The following DRD2 variants were observed in gnomAD, a reference collection of about 807,000 sequenced individuals.
The protein encoded by DRD2 is D(2) dopamine receptor.
A neutral mutation model predicts 38.0 loss-of-function variants in DRD2; 8 were observed. That is an observed-to-expected ratio of 0.21 (90% CI 0.12 to 0.38). The LOEUF is 0.38. Ranked by LOEUF, DRD2 falls within the 10% of genes least tolerant of loss-of-function variation. DRD2 has a pLI of 1.00. For missense variants in DRD2, 403 were observed against 607.7 expected (o/e 0.66, Z 3.54); for synonymous variants, 230 against 238.6 (o/e 0.96, Z 0.33).
chr11:113,455,652 G>A (rs923426092), intron 1 of DRD2, among the ~76,000 whole-genome samples: 13 of 152,210 alleles, frequency 8.5e-5, no homozygotes, highest in African/African-American at 3.1e-4. Flanking sequence ...TCAAAAAAAA[G>A]ACATGCAAAA....
At chr11:113,467,821 A>C (rs1036019716) in intron 1 of DRD2, among the ~76,000 whole-genome samples, 6 of 152,218 alleles carry the variant, frequency 3.9e-5, no homozygotes, top group Admixed American at 1.3e-4. Flanking sequence ...AAGGGATGAC[A>C]AGCAATTCAA....
At chr11:113,448,441 G>A (rs1295680342) in intron 1 of DRD2, among the ~76,000 whole-genome samples, 6 of 152,220 alleles carry the variant, frequency 3.9e-5, no homozygotes, top group Admixed American at 2.6e-4. Context: ...CTGGCTCCCT[G>A]TCAGAGCTGC....
At chr11:113,427,152 G>A (rs570700669) in intron 1 of DRD2, among the ~76,000 whole-genome samples, 5 of 152,258 alleles carry the variant, frequency 3.3e-5, no homozygotes, top group Non-Finnish European at 5.9e-5. Flanking sequence ...AACAACCCTC[G>A]GAGGCTTTTA....
chr11:113,414,636 G>A (rs928625036), intron 5 of DRD2, among the ~76,000 whole-genome samples, 175 bp from the exon 6 acceptor site: 1 of 152,238 alleles, frequency 6.6e-6, no homozygotes, highest in African/African-American at 2.4e-5. Context: ...GAGACAAAAA[G>A]TGGTGGGTAT....
chr11:113,422,149 G>A (rs1238565403), intron 2 of DRD2, among the ~76,000 whole-genome samples: 1 of 152,144 alleles, frequency 6.6e-6, no homozygotes, highest in Non-Finnish European at 1.5e-5. Context: ...CTACTTGCCT[G>A]GGGCGAACAT....
chr11:113,417,009 C>G lies in DRD2; in HGVS notation c.396-10G>C, dbSNP rs372694221. The G allele has an allele frequency of 6.2e-7, 1 of 1,613,218 alleles. No homozygotes were observed. Among genetic ancestry groups the G allele is most frequent in the Admixed American group, 1.7e-5 (1 of 59,982 alleles). On this transcript the variant is annotated splice_polypyrimidine_tract_variant and intron_variant, in intron 3 of 7. Transcript: ENST00000362072. ...GGCCACAGCTGTGTACCTGCAAGGG[C>G]GGGGGACCCTGAATCTGGGGTGCAG...
chr11:113,447,615 G>C (rs1215939551), intron 1 of DRD2: 3 of 152,296 alleles, frequency 2.0e-5, no homozygotes, highest in Non-Finnish European at 4.4e-5. Flanking sequence ...GTGGGCAACA[G>C]AGAAGGCAGG....
intron 2 of DRD2, among the ~76,000 whole-genome samples, chr11:113,420,797 G>T (rs1950877983): frequency 6.6e-6 from 1 of 152,220 alleles, no homozygotes; most frequent in South Asian, 2.1e-4. Flanking sequence ...GAGGGTCAGA[G>T]AAGAAAACAG....
intron 1 of DRD2, 24 bp from the exon 2 acceptor site, chr11:113,424,706 G>T: frequency 6.2e-7 from 1 of 1,611,434 alleles, no homozygotes; most frequent in South Asian, 1.1e-5. Flanking sequence ...ATGGACACAA[G>T]GTGTCAGTGA....
chr11:113,422,767 C>T (rs1283647369), intron 2 of DRD2, among the ~76,000 whole-genome samples: 2 of 152,064 alleles, frequency 1.3e-5, no homozygotes, highest in Non-Finnish European at 2.9e-5. Flanking sequence ...CGCACGAGCC[C>T]CTTGGGGGCC....
Position 113,426,697 on chromosome 11 carries a change from A to G in DRD2, c.-31-2015T>C, listed in dbSNP as rs372021954. ...AGAAGAATATGGATCATGTCCTACCAACCACCATCACTCTGGAGCCTCGGG... is the reference window on the plus strand; with the variant it reads ...AGAAGAATATGGATCATGTCCTACCGACCACCATCACTCTGGAGCCTCGGG... On this transcript the variant is annotated intron_variant, in intron 1 of 7. Coordinates refer to ENST00000362072, the MANE Select transcript of DRD2 (RefSeq NM_000795.4). 9.8e-4 allele frequency among the ~76,000 whole-genome samples: 150 copies of G among 152,294 alleles called. 5 individuals carry two copies. In the South Asian group the frequency reaches 0.028, roughly 29 times the overall value.
intron 1 of DRD2, among the ~76,000 whole-genome samples, chr11:113,457,393 C>T (rs1327478972): frequency 1.3e-5 from 2 of 152,198 alleles, no homozygotes; most frequent in Admixed American, 1.3e-4. Flanking sequence ...TTGTTCAGTG[C>T]TGCTTTGTGG....
intron 2 of DRD2, among the ~76,000 whole-genome samples, chr11:113,422,700 C>A (rs1270917343): frequency 6.6e-6 from 1 of 152,092 alleles, no homozygotes; most frequent in African/African-American, 2.4e-5. Context: ...GTAAAGGAAG[C>A]CAAGGGGTGA....
At chr11:113,447,085 C>T (rs1410037924) in intron 1 of DRD2, among the ~76,000 whole-genome samples, 1 of 150,932 alleles carries the variant, frequency 6.6e-6, no homozygotes, top group East Asian at 1.9e-4. Flanking sequence ...AACTTGGGAT[C>T]CTCTAGCATG....
chr11:113,446,173 C>T (rs772974088), intron 1 of DRD2, among the ~76,000 whole-genome samples: 20 of 152,170 alleles, frequency 1.3e-4, no homozygotes, highest in Non-Finnish European at 2.5e-4. Context: ...CCTTCCCACT[C>T]GCCCCTTTCC....
At chr11:113,453,714 C>A (rs1951238523) in intron 1 of DRD2, among the ~76,000 whole-genome samples, 1 of 152,200 alleles carries the variant, frequency 6.6e-6, no homozygotes, top group Non-Finnish European at 1.5e-5. Context: ...GACGGAGATG[C>A]CGGCACACGG....
chr11:113,417,618 T>C (rs571181730), intron 3 of DRD2, among the ~76,000 whole-genome samples: 12 of 152,254 alleles, frequency 7.9e-5, no homozygotes, highest in African/African-American at 2.4e-4. Context: ...GGACATAAAA[T>C]GCATAACCAG....
intron 5 of DRD2, among the ~76,000 whole-genome samples, chr11:113,414,807 AG>A (rs1217845865): frequency 2.0e-5 from 3 of 152,210 alleles, no homozygotes; most frequent in Admixed American, 2.0e-4. Flanking sequence ...GGCTCATAGA[AG>A]GTAAGCAACT....
chr11:113,414,785 G>A (rs1240580064), intron 5 of DRD2, among the ~76,000 whole-genome samples: 3 of 152,196 alleles, frequency 2.0e-5, no homozygotes, highest in African/African-American at 7.2e-5. Flanking sequence ...CCATTTAACA[G>A]ATGAGGAAAC....
Sources: gnomAD v4.1 joint callset for allele counts (sites outside exome capture counted in the v4.1 genomes callset) on GRCh38, gnomAD v4.1.1 for gene constraint, MANE v1.5 for transcripts, NCBI Gene and HGNC (gene_info 2026-07-23, HGNC 2026-07-21) for gene names.